Variants in SV2C observed in about 807,000 individuals in gnomAD.
The protein encoded by SV2C is synaptic vesicle glycoprotein 2C.
SV2C carries 49 observed loss-of-function variants against 79.7 expected under a neutral mutation model. That is an observed-to-expected ratio of 0.61 (90% CI 0.49 to 0.78). The LOEUF is 0.78. SV2C is among the 30% of genes least tolerant of loss of function. The pLI is 0.00. For missense variants in SV2C, 833 were observed against 912.9 expected (o/e 0.91, Z 1.13); for synonymous variants, 334 against 333.2 (o/e 1.00, Z -0.03).
chr5:76,072,637 C>T, the SV2C span, among the ~76,000 whole-genome samples: 4 of 152,124 alleles, frequency 2.6e-5, no homozygotes, highest in Non-Finnish European at 5.9e-5. Context: ...AGTGGGATTG[C>T]TGGATCAAAT....
At chr5:75,848,844 T>C in the SV2C span, among the ~76,000 whole-genome samples, 1 of 152,200 alleles carries the variant, frequency 6.6e-6, no homozygotes, top group Non-Finnish European at 1.5e-5. Context: ...CTCTGTCAAT[T>C]ACCAGTTTTG....
chr5:76,273,136 T>C (rs1450059570), intron 4 of SV2C, among the ~76,000 whole-genome samples: 1 of 144,594 alleles, frequency 6.9e-6, no homozygotes. Flanking sequence ...TAAAAATCTT[T>C]TACAAAAAAG....
the SV2C span, among the ~76,000 whole-genome samples, chr5:75,998,763 T>C: frequency 6.6e-6 from 1 of 152,112 alleles, no homozygotes; most frequent in Non-Finnish European, 1.5e-5. Flanking sequence ...TCAGTCTCCA[T>C]AATCACATGA....
At chr5:75,886,144 G>C in the SV2C span, among the ~76,000 whole-genome samples, 1 of 152,064 alleles carries the variant, frequency 6.6e-6, no homozygotes, top group African/African-American at 2.4e-5. Context: ...GCAAGCAAAG[G>C]AGATGAGACT....
chr5:76,063,340 G>T, the SV2C span, among the ~76,000 whole-genome samples: 2 of 152,044 alleles, frequency 1.3e-5, no homozygotes, highest in Non-Finnish European at 2.9e-5. Context: ...TGTGTCCTAG[G>T]TTCAGCCAAT....
At chr5:76,150,289 TGCCTCA>T (rs1377097277) in intron 2 of SV2C, among the ~76,000 whole-genome samples, 2 of 151,774 alleles carry the variant, frequency 1.3e-5, no homozygotes, top group Non-Finnish European at 2.9e-5. Context: ...GTGATCCTCC[TGCCTCA>T]GCCTCCCAAG....
the SV2C span, among the ~76,000 whole-genome samples, chr5:75,937,715 C>CAA: frequency 2.1e-3 from 326 of 151,784 alleles, 2 homozygotes; most frequent in African/African-American, 7.6e-3. Flanking sequence ...TCTAAAGAAA[C>CAA]AAAAAAACAA....
chr5:76,212,631 T>A (rs370298646), intron 4 of SV2C, among the ~76,000 whole-genome samples: 2 of 152,300 alleles, frequency 1.3e-5, no homozygotes, highest in African/African-American at 4.8e-5. Flanking sequence ...TCCCTTCCCA[T>A]CATATCGCTC....
the SV2C span, among the ~76,000 whole-genome samples, chr5:75,847,843 G>A: frequency 2.6e-5 from 4 of 152,114 alleles, no homozygotes; most frequent in Non-Finnish European, 5.9e-5. Flanking sequence ...TGCACTCTCT[G>A]AACTCCACCT....
chr5:76,033,590 C>G, the SV2C span, among the ~76,000 whole-genome samples: 2 of 152,176 alleles, frequency 1.3e-5, no homozygotes, highest in Non-Finnish European at 1.5e-5. Flanking sequence ...GGGCTCTGTT[C>G]TGTTCCATTG....
At chr5:76,069,878 C>CACACACT in the SV2C span, among the ~76,000 whole-genome samples, 3 of 151,130 alleles carry the variant, frequency 2.0e-5, no homozygotes, top group Non-Finnish European at 4.4e-5. Flanking sequence ...ACACACACAC[C>CACACACT]CTTTCGTGGC....
the SV2C span, among the ~76,000 whole-genome samples, chr5:76,041,657 G>A: frequency 6.6e-6 from 1 of 152,108 alleles, no homozygotes; most frequent in African/African-American, 2.4e-5. Context: ...AGCCAGAGGC[G>A]GGTCATAGGA....
chr5:76,110,823 GT>G (rs1248411759), intron 1 of SV2C, among the ~76,000 whole-genome samples: 1 of 152,220 alleles, frequency 6.6e-6, no homozygotes, highest in African/African-American at 2.4e-5. Flanking sequence ...GCTTGCCACA[GT>G]GGTGCAAAGA....
the SV2C span, among the ~76,000 whole-genome samples, chr5:75,970,247 A>C: frequency 0.02 from 3,108 of 152,080 alleles, 88 homozygotes; most frequent in African/African-American, 0.056. Context: ...GACACTCTAA[A>C]ATCACAATTA....
intron 2 of SV2C, among the ~76,000 whole-genome samples, chr5:76,161,128 A>G (rs1013345340): frequency 1.3e-5 from 2 of 152,242 alleles, no homozygotes; most frequent in Non-Finnish European, 2.9e-5. Flanking sequence ...CCAAATGACC[A>G]TAAATTAATG....
At chr5:76,237,989 C>CACACACAT (rs371688116) in intron 4 of SV2C, among the ~76,000 whole-genome samples, 31 of 149,934 alleles carry the variant, frequency 2.1e-4, no homozygotes, top group Non-Finnish European at 3.0e-4. Context: ...CACACACACA[C>CACACACAT]ACATACATAC....
At chr5:75,882,631 C>G in the SV2C span, among the ~76,000 whole-genome samples, 10 of 152,044 alleles carry the variant, frequency 6.6e-5, no homozygotes, top group African/African-American at 1.9e-4. Flanking sequence ...ACAAACCTGA[C>G]AAAAACAAGC....
At chr5:75,965,437 T>G in the SV2C span, among the ~76,000 whole-genome samples, 1 of 152,186 alleles carries the variant, frequency 6.6e-6, no homozygotes, top group Admixed American at 6.5e-5. Context: ...ATTAGTGCTC[T>G]AATAAAAGAA....
intron 4 of SV2C, among the ~76,000 whole-genome samples, chr5:76,268,121 G>A (rs536261124): frequency 1.3e-5 from 2 of 152,206 alleles, no homozygotes; most frequent in Non-Finnish European, 2.9e-5. Context: ...TGAGTGTGGA[G>A]AAGCAGGCTG....
Sources: allele counts gnomAD v4.1 joint callset (sites outside exome capture counted in the v4.1 genomes callset), GRCh38; gene constraint gnomAD v4.1.1; transcripts MANE v1.5; gene names NCBI Gene and HGNC (gene_info 2026-07-23, HGNC 2026-07-21).